Variants in ACCSL observed in about 807,000 individuals in gnomAD.
ACCSL encodes the protein probable inactive 1-aminocyclopropane-1-carboxylate synthase-like protein 2.
ACCSL carries 55 observed loss-of-function variants against 61.7 expected under a neutral mutation model. The ratio of observed to expected loss-of-function variants is 0.89; its 90% CI spans 0.72 to 1.12. The LOEUF is 1.12. ACCSL is among the 50% of genes most tolerant of loss of function. ACCSL has a pLI of 0.00. For synonymous variants in ACCSL, 258 were observed against 264.3 expected (o/e 0.98, Z 0.23); for missense variants, 632 against 698.0 (o/e 0.91, Z 1.07).
At chr11:43,928,948 A>G in the ACCSL span, among the ~76,000 whole-genome samples, 12 of 152,292 alleles carry the variant, frequency 7.9e-5, no homozygotes, top group African/African-American at 2.9e-4. Flanking sequence ...CCAATCCAAG[A>G]TGCTTCAGAG....
chr11:43,956,762 G>A, the ACCSL span, among the ~76,000 whole-genome samples: 2 of 152,216 alleles, frequency 1.3e-5, no homozygotes, highest in Admixed American at 1.3e-4. Flanking sequence ...ATGAGTGACT[G>A]AGACAATTGA....
chr11:44,007,392 T>G, the ACCSL span, among the ~76,000 whole-genome samples: 2 of 152,198 alleles, frequency 1.3e-5, no homozygotes, highest in African/African-American at 2.4e-5. Flanking sequence ...AGGCCCCACT[T>G]GGATGTGGAA....
At chr11:44,032,902 G>T in the ACCSL span, among the ~76,000 whole-genome samples, 1 of 152,276 alleles carries the variant, frequency 6.6e-6, no homozygotes, top group East Asian at 1.9e-4. Context: ...TCTCTGAGAG[G>T]CTCCCCCGAG....
At chr11:44,014,268 G>T in the ACCSL span, among the ~76,000 whole-genome samples, 1 of 152,162 alleles carries the variant, frequency 6.6e-6, no homozygotes, top group Non-Finnish European at 1.5e-5. Context: ...TTCACAGGAG[G>T]CCCCTTGAGG....
At chr11:44,041,172 T>G in the ACCSL span, among the ~76,000 whole-genome samples, 3 of 152,242 alleles carry the variant, frequency 2.0e-5, no homozygotes, top group Non-Finnish European at 4.4e-5. Context: ...ATAGTTTACG[T>G]CATTCATAAT....
chr11:44,055,816 C>A (rs1052975388), intron 9 of ACCSL, among the ~76,000 whole-genome samples: 4 of 152,204 alleles, frequency 2.6e-5, no homozygotes, highest in African/African-American at 9.7e-5. Context: ...AGGCTGAAGG[C>A]CCTAGACTTC....
chr11:43,927,542 TTAAAC>T, the ACCSL span, among the ~76,000 whole-genome samples: 1 of 152,346 alleles, frequency 6.6e-6, no homozygotes, highest in South Asian at 2.1e-4. Context: ...CATTTTACAG[TTAAAC>T]GGAGGCACAG....
At chr11:44,056,580 C>T (rs779490093) in intron 11 of ACCSL, among the ~76,000 whole-genome samples, 2 of 152,198 alleles carry the variant, frequency 1.3e-5, no homozygotes, top group Non-Finnish European at 2.9e-5. Flanking sequence ...CGCCTGTAAT[C>T]CCAGCACTTT....
the ACCSL span, among the ~76,000 whole-genome samples, chr11:43,931,572 G>A: frequency 1.3e-5 from 2 of 152,202 alleles, no homozygotes; most frequent in Non-Finnish European, 2.9e-5. Flanking sequence ...CTGCCTGGCT[G>A]TGTGGCCTTG....
chr11:43,942,035 CGTGTGTGTGTGTGTGT>C, the ACCSL span, among the ~76,000 whole-genome samples: 7 of 89,620 alleles, frequency 7.8e-5, no homozygotes, highest in Non-Finnish European at 1.5e-4. Flanking sequence ...TGCATTCGTG[CGTGTGTGTGTGTGTGT>C]GTGTGTGTGT....
At chr11:43,924,577 C>T in the ACCSL span, among the ~76,000 whole-genome samples, 1 of 152,378 alleles carries the variant, frequency 6.6e-6, no homozygotes, top group East Asian at 1.9e-4. Flanking sequence ...GCTAGCCCCG[C>T]AGCCTCCAGG....
the ACCSL span, among the ~76,000 whole-genome samples, chr11:43,921,653 C>T: frequency 1.3e-5 from 2 of 152,174 alleles, no homozygotes; most frequent in Non-Finnish European, 2.9e-5. Context: ...AGTCTTCCAG[C>T]GTCCCTCTTT....
At chr11:43,964,221 A>G in the ACCSL span, among the ~76,000 whole-genome samples, 5 of 152,066 alleles carry the variant, frequency 3.3e-5, no homozygotes, top group Admixed American at 6.6e-5. Context: ...AGGTGGGCGG[A>G]TCATGAGGTC....
In ACCSL at chr11:44,056,377, G is replaced by C. The variant is rs776705473; in HGVS notation, c.1327+51G>C. On this transcript the variant is annotated intron_variant, in intron 11 of 13. Transcript: ENST00000378832. The stretch of plus-strand genomic sequence containing the variant: ...ATGTTGGCTGGACCTCATGGCCATG[G>C]GGAATTCTTGGATTTGCTTGGGCCT... The C allele has an allele frequency of 7.0e-6, 11 of 1,574,374 alleles. No individual in the cohort carries two copies. The South Asian group carries it at 1.3e-4, about 18-fold the overall frequency.
upstream of ACCSL, among the ~76,000 whole-genome samples, chr11:44,046,434 C>T (rs1952597706): frequency 1.3e-5 from 2 of 152,216 alleles, no homozygotes; most frequent in African/African-American, 4.8e-5. Flanking sequence ...TACTCATTAA[C>T]TATGTTAGTT....
chr11:44,036,204 G>T, the ACCSL span, among the ~76,000 whole-genome samples: 1 of 152,156 alleles, frequency 6.6e-6, no homozygotes, highest in African/African-American at 2.4e-5. Context: ...CTCCTCCCCA[G>T]GATCCCCATT....
At chr11:43,943,626 T>G in the ACCSL span, 1 of 1,306,158 alleles carries the variant, frequency 7.7e-7, no homozygotes, top group South Asian at 1.2e-5. This position sits in a 1 kb window ranked among gnomAD's most constrained non-coding sequence, Gnocchi z 4.8. Flanking sequence ...GCAACTCCGA[T>G]TTTGCACACC....
the ACCSL span, among the ~76,000 whole-genome samples, chr11:43,921,657 C>T: frequency 6.6e-6 from 1 of 152,110 alleles, no homozygotes; most frequent in Non-Finnish European, 1.5e-5. Flanking sequence ...TTCCAGCGTC[C>T]CTCTTTCTTA....
At chr11:44,018,318 C>T in the ACCSL span, among the ~76,000 whole-genome samples, 9 of 152,310 alleles carry the variant, frequency 5.9e-5, no homozygotes, top group Middle Eastern at 3.4e-3. Flanking sequence ...CTATGCCAGC[C>T]GGTCTCGACC....
Sources: allele counts gnomAD v4.1 joint callset (sites outside exome capture counted in the v4.1 genomes callset), GRCh38; gene constraint gnomAD v4.1.1; non-coding constraint Gnocchi (gnomAD v3.1); transcripts MANE v1.5; gene names NCBI Gene and HGNC (gene_info 2026-07-23, HGNC 2026-07-21).